The following CFAP43 variants were observed in gnomAD, a reference collection of about 807,000 sequenced individuals.
CFAP43 encodes cilia- and flagella-associated protein 43.
CFAP43 carries 155 observed loss-of-function variants against 218.9 expected under a neutral mutation model. That is an observed-to-expected ratio of 0.71 (90% CI 0.62 to 0.81). The LOEUF (loss-of-function observed/expected upper bound fraction) is 0.81. CFAP43 is among the 30% of genes least tolerant of loss of function. CFAP43 has a pLI of 0.00. For missense variants in CFAP43, 1,778 were observed against 1,954.3 expected (o/e 0.91, Z 1.70); for synonymous variants, 645 against 681.3 (o/e 0.95, Z 0.83).
At chr10:104,168,322 C>A (rs1161437402) in intron 21 of CFAP43, among the ~76,000 whole-genome samples, 7 of 152,124 alleles carry the variant, frequency 4.6e-5, no homozygotes, top group African/African-American at 1.7e-4. Context: ...CTTTTGGTCA[C>A]CCTACACAAA....
intron 3 of CFAP43, among the ~76,000 whole-genome samples, chr10:104,219,191 A>C (rs1487104017): frequency 6.6e-6 from 1 of 151,852 alleles, no homozygotes; most frequent in African/African-American, 2.4e-5. Context: ...AAGTTGCCCA[A>C]GTCACACGCA....
chr10:104,132,800 G>A, intron 35 of CFAP43: 2 of 983,712 alleles, frequency 2.0e-6, no homozygotes, highest in South Asian at 9.4e-5. Flanking sequence ...TTCCACTTGA[G>A]TCCCACATTA....
At chr10:104,141,911 C>T (rs955332028) in intron 33 of CFAP43, among the ~76,000 whole-genome samples, 3 of 152,136 alleles carry the variant, frequency 2.0e-5, no homozygotes, top group Non-Finnish European at 4.4e-5. Context: ...CAGTTGGCTG[C>T]GTGTCTACAT....
intron 28 of CFAP43, among the ~76,000 whole-genome samples, chr10:104,150,610 T>C (rs1322581037): frequency 6.6e-6 from 1 of 152,170 alleles, no homozygotes; most frequent in African/African-American, 2.4e-5. Flanking sequence ...TTCACATCTC[T>C]CCAGTGTTGC....
At chr10:104,143,401 T>C (rs1298230842) in intron 32 of CFAP43, 25 bp downstream of exon 32, 6 of 1,582,556 alleles carry the variant, frequency 3.8e-6, no homozygotes, top group Non-Finnish European at 2.6e-6. Flanking sequence ...CACTAAAAAT[T>C]AAATTAAGTT....
At chr10:104,221,254 C>T (rs2091172743) in intron 3 of CFAP43, among the ~76,000 whole-genome samples, 1 of 152,104 alleles carries the variant, frequency 6.6e-6, no homozygotes, top group South Asian at 2.1e-4. Flanking sequence ...GGATTACAGG[C>T]GTGAGCCACC....
chr10:104,135,036 C>T (rs574186467), intron 34 of CFAP43, among the ~76,000 whole-genome samples: 2 of 152,020 alleles, frequency 1.3e-5, no homozygotes, highest in African/African-American at 4.8e-5. Flanking sequence ...TAACTATGAC[C>T]AAGTGTCATT....
chr10:104,187,251 A>C, intron 14 of CFAP43, 69 bp downstream of exon 14: 1 of 1,352,054 alleles, frequency 7.4e-7, no homozygotes, highest in Non-Finnish European at 9.8e-7. Context: ...AGAGGATCAC[A>C]TCTAATCAGT....
intron 10 of CFAP43, among the ~76,000 whole-genome samples, chr10:104,194,427 T>A (rs532288948): frequency 1.7e-4 from 26 of 152,298 alleles, no homozygotes; most frequent in African/African-American, 6.3e-4. Context: ...TTTATTTATT[T>A]ATTAGCGATG....
chr10:104,194,807 T>C (rs1324382688), intron 10 of CFAP43, among the ~76,000 whole-genome samples: 1 of 152,186 alleles, frequency 6.6e-6, no homozygotes, highest in African/African-American at 2.4e-5. Context: ...TAAGAGATCA[T>C]TTTGCAAAAT....
At chr10:104,191,712 A>G (rs2090222539) in intron 12 of CFAP43, among the ~76,000 whole-genome samples, 1 of 151,498 alleles carries the variant, frequency 6.6e-6, no homozygotes, top group South Asian at 2.1e-4. Context: ...TTAAAAACTT[A>G]GGAGTGGGAC....
intron 20 of CFAP43, among the ~76,000 whole-genome samples, chr10:104,170,107 AG>A (rs1280381468): frequency 2.6e-5 from 4 of 151,834 alleles, no homozygotes; most frequent in African/African-American, 9.7e-5. Context: ...TAAACAGCTG[AG>A]TTTATGGTGC....
rs1274376752 is a variant in CFAP43 at position 104,162,358 on chromosome 10, A to G, written c.3292T>C (p.Leu1098=). 16 of 1,614,104 alleles carry G rather than the reference A, an allele frequency of 9.9e-6. No individual in the cohort carries two copies. In the Admixed American group the frequency reaches 1.2e-4, roughly 12 times the overall value. Residue 1098 remains leucine (L), a synonymous_variant, in exon 25 of 38, where the codon TTG becomes CTG. Coordinates refer to ENST00000357060, the MANE Select transcript of CFAP43 (RefSeq NM_025145.7). Reference sequence around the variant, plus strand: ...TGCTCCTTTTCATGATTCACGATCAATTCTTTGGCTTTGTGCCACGGCTTA... The same window carrying G: ...TGCTCCTTTTCATGATTCACGATCAGTTCTTTGGCTTTGTGCCACGGCTTA... ...HIKPWHKAKE[L]IVNHEKEHWL...
chr10:104,160,804 A>T (rs991941913), intron 27 of CFAP43, among the ~76,000 whole-genome samples: 3 of 152,230 alleles, frequency 2.0e-5, no homozygotes, highest in Non-Finnish European at 4.4e-5. Context: ...GACACGGGAA[A>T]TGCTGAAATC....
At chr10:104,213,138 C>G (rs2090913247) in intron 4 of CFAP43, among the ~76,000 whole-genome samples, 1 of 152,152 alleles carries the variant, frequency 6.6e-6, no homozygotes, top group African/African-American at 2.4e-5. Flanking sequence ...ACAGATTTGG[C>G]TATTCAATGG....
chr10:104,204,479 G>A (rs970485907), intron 7 of CFAP43, among the ~76,000 whole-genome samples: 1 of 152,214 alleles, frequency 6.6e-6, no homozygotes, highest in Non-Finnish European at 1.5e-5. Flanking sequence ...GACTTTAGAT[G>A]GCTGGTTTCA....
intron 19 of CFAP43, among the ~76,000 whole-genome samples, chr10:104,178,225 G>T (rs963192836): frequency 7.9e-5 from 12 of 152,198 alleles, no homozygotes; most frequent in Non-Finnish European, 1.5e-4. Context: ...TGCTTTGACT[G>T]GAGCTGGAGG....
At chr10:104,192,576 C>T (rs2090261984) in intron 11 of CFAP43, 1 of 365,240 alleles carries the variant, frequency 2.7e-6, no homozygotes, top group Non-Finnish European at 4.9e-6. Context: ...GTGAATGAAA[C>T]ATGTCTGTCG....
At chr10:104,132,281 T>C (rs1266905786) in intron 35 of CFAP43, 85 bp from the exon 36 acceptor site, 9 of 1,037,090 alleles carry the variant, frequency 8.7e-6, no homozygotes, top group South Asian at 3.2e-5. Context: ...CTTTGAAAGT[T>C]ACTGTTTTTC....
Sources: allele counts gnomAD v4.1 joint callset (sites outside exome capture counted in the v4.1 genomes callset), GRCh38; gene constraint gnomAD v4.1.1; transcripts MANE v1.5; gene names NCBI Gene and HGNC (gene_info 2026-07-23, HGNC 2026-07-21).